HEXB: variants seen among roughly 807,000 people sequenced by gnomAD.
HEXB encodes hexosaminidase subunit beta.
In HEXB, 51 loss-of-function variants were observed where a neutral mutation model predicts 71.2. The ratio of observed to expected loss-of-function variants is 0.72; its 90% CI spans 0.57 to 0.90. The LOEUF (loss-of-function observed/expected upper bound fraction) is 0.90. Among genes scored for constraint, HEXB ranks in the 40% least tolerant of loss-of-function variants. HEXB has a pLI of 0.00. For missense variants in HEXB, 617 were observed against 677.0 expected (o/e 0.91, Z 0.98); for synonymous variants, 266 against 249.3 (o/e 1.07, Z -0.63).
At chr5:74,645,478 T>C (rs1747986724) in intron 1 of HEXB, among the ~76,000 whole-genome samples, 1 of 152,240 alleles carries the variant, frequency 6.6e-6, no homozygotes, top group Non-Finnish European at 1.5e-5. Flanking sequence ...TGAAAGTCTG[T>C]CTTTGTCCCG....
At chr5:74,684,289 T>G (rs1212762926), upstream of HEXB, among the ~76,000 whole-genome samples, 9 of 152,246 alleles carry the variant, frequency 5.9e-5, no homozygotes, top group Non-Finnish European at 8.8e-5. Flanking sequence ...GTGACTTCAC[T>G]GGCTCTTCCT....
At chr5:74,704,919 C>G (rs1749345373) in intron 5 of HEXB, among the ~76,000 whole-genome samples, 1 of 152,016 alleles carries the variant, frequency 6.6e-6, no homozygotes, top group Non-Finnish European at 1.5e-5. Context: ...TGGCAAAACC[C>G]TGTTTCGACA....
intron 6 of HEXB, among the ~76,000 whole-genome samples, chr5:74,711,759 G>A (rs951931975): frequency 6.6e-6 from 1 of 151,998 alleles, no homozygotes; most frequent in Admixed American, 6.6e-5. Context: ...ATTTAGAATG[G>A]CAATCATTAA....
intron 5 of HEXB, among the ~76,000 whole-genome samples, chr5:74,700,004 T>C (rs1749223614): frequency 4.6e-5 from 1 of 21,810 alleles, no homozygotes; most frequent in African/African-American, 1.3e-4. Context: ...AAGTTTCCTT[T>C]TTTTTTTTTT....
chr5:74,645,080 A>G (rs1399753287), intron 1 of HEXB, among the ~76,000 whole-genome samples: 1 of 152,080 alleles, frequency 6.6e-6, no homozygotes, highest in Non-Finnish European at 1.5e-5. Flanking sequence ...CCTCCTTAGG[A>G]GTATTCTTAA....
rs971231163 is a variant in HEXB, at chr5:74,652,508, G to A, written c.-377+11950G>A. 2.6e-4 allele frequency among the ~76,000 whole-genome samples: 40 copies of A among 152,280 alleles called. No homozygotes were observed. Among genetic ancestry groups the A allele is most frequent in the African/African-American group, 8.9e-4 (37 of 41,544 alleles). On this transcript the variant is annotated intron_variant, in intron 1 of 13. Transcript: ENST00000511181. The surrounding 1 kb of genome is among the most constrained non-coding windows in gnomAD (Gnocchi z 5.4). ...TGCAAAATTTTTTACATTCAAAAGA[G>A]TCCTCATAGTTGGGTATAGTTAGGA...
At chr5:74,693,593 G>A (rs963445840) in intron 2 of HEXB, 46 bp from the exon 3 acceptor site, 1 of 1,286,262 alleles carries the variant, frequency 7.8e-7, no homozygotes, top group Middle Eastern at 1.8e-4. Context: ...GTGTGTCATT[G>A]AGGGATTAAC....
At chr5:74,690,175 T>C (rs112331238) in intron 2 of HEXB, among the ~76,000 whole-genome samples, 244 of 152,306 alleles carry the variant, frequency 1.6e-3, no homozygotes, top group African/African-American at 5.1e-3. Flanking sequence ...CGTTGTTGCC[T>C]AAAACGTTAT....
intron 5 of HEXB, among the ~76,000 whole-genome samples, chr5:74,699,067 T>C (rs61176336): frequency 1.3e-5 from 2 of 151,784 alleles, no homozygotes; most frequent in Non-Finnish European, 2.9e-5. Flanking sequence ...CGCCTGTAAT[T>C]CCAGCTACTT....
chr5:74,650,766 A>C (rs1223383009), intron 1 of HEXB, among the ~76,000 whole-genome samples: 2 of 101,976 alleles, frequency 2.0e-5, no homozygotes, highest in Non-Finnish European at 3.9e-5. Context: ...CTAAAAATAC[A>C]AAAAAAAAAA....
intron 8 of HEXB, among the ~76,000 whole-genome samples, chr5:74,716,058 T>A (rs1250745082): frequency 6.7e-6 from 1 of 150,038 alleles, no homozygotes; most frequent in East Asian, 1.9e-4. Flanking sequence ...AAAAAACCTG[T>A]TGCATTGAAG....
At chr5:74,647,834 A>T (rs550386187) in intron 1 of HEXB, among the ~76,000 whole-genome samples, 1 of 152,228 alleles carries the variant, frequency 6.6e-6, no homozygotes, top group Non-Finnish European at 1.5e-5. Context: ...TTAGCCAATC[A>T]GTCATTCATT....
At chr5:74,661,297 G>T (rs920066525) in intron 1 of HEXB, among the ~76,000 whole-genome samples, 3 of 152,104 alleles carry the variant, frequency 2.0e-5, no homozygotes, top group African/African-American at 7.2e-5. Context: ...ACGAGAATGG[G>T]GTGAAATCAA....
intron 9 of HEXB, among the ~76,000 whole-genome samples, chr5:74,717,370 A>G (rs965208691): frequency 3.9e-5 from 6 of 152,062 alleles, no homozygotes; most frequent in African/African-American, 1.2e-4. Flanking sequence ...CCATATGTAA[A>G]TTAATTAAAA....
At chr5:74,691,441 A>AATAC (rs375246068) in intron 2 of HEXB, among the ~76,000 whole-genome samples, 3 of 152,224 alleles carry the variant, frequency 2.0e-5, no homozygotes, top group Admixed American at 2.0e-4. Flanking sequence ...GGAATGGCTA[A>AATAC]ATACATCTTG....
chr5:74,677,490 C>CTTTTTTT (rs566302720), intron 1 of HEXB, among the ~76,000 whole-genome samples: 61 of 77,240 alleles, frequency 7.9e-4, no homozygotes, highest in Non-Finnish European at 1.1e-3. Flanking sequence ...TCTTCTTCTT[C>CTTTTTTT]TTTTTTTTTT....
chr5:74,686,624 A>G (rs1330026217), intron 1 of HEXB, among the ~76,000 whole-genome samples: 3 of 152,202 alleles, frequency 2.0e-5, no homozygotes, highest in African/African-American at 4.8e-5. Context: ...TTCATTCTCT[A>G]CAATCAGAAG....
At position 74,720,530 on chromosome 5, in the gene HEXB, A is replaced by C; in HGVS notation, c.1508+12A>C. On this transcript the variant is annotated intron_variant, in intron 12 of 13. Coordinates refer to ENST00000261416, the MANE Select transcript of HEXB (RefSeq NM_000521.4). Reference sequence around the variant, plus strand: ...ACTCCAAGATTATGGTATGGGATTTACCTGATAACATTTAAGAATTAAGGT... The same window carrying C: ...ACTCCAAGATTATGGTATGGGATTTCCCTGATAACATTTAAGAATTAAGGT... 1 of 1,602,042 alleles carries C rather than the reference A, an allele frequency of 6.2e-7. No homozygotes were observed. Among genetic ancestry groups the C allele is most frequent in the Non-Finnish European group, 8.6e-7 (1 of 1,168,970 alleles).
In HEXB at chr5:74,720,404, C is replaced by T. The variant is rs185971652; in HGVS notation, c.1418-24C>T. 9.7e-5 allele frequency: 145 copies of T among 1,501,698 alleles called. No individual in the cohort carries two copies. In the African/African-American group the frequency reaches 1.6e-3, roughly 16 times the overall value. 93.0% of individuals were successfully genotyped at this position (1,501,698 alleles called of 1,614,324 possible). A position where few individuals can be genotyped will look rare whatever the true frequency, so the allele number is the denominator to read the frequency against. The stretch of plus-strand genomic sequence containing the variant: ...TGTGTATAAGCTTTGAACTTCTGAA[C>T]TTAATTCAATGATTTTAATTTAGGT... On this transcript the variant is annotated intron_variant, in intron 11 of 13. Transcript: ENST00000261416.
Sources: allele counts gnomAD v4.1 joint callset (sites outside exome capture counted in the v4.1 genomes callset), GRCh38; gene constraint gnomAD v4.1.1; non-coding constraint Gnocchi (gnomAD v3.1); transcripts MANE v1.5; gene names NCBI Gene and HGNC (gene_info 2026-07-23, HGNC 2026-07-21).